Variants in CELF2 observed in about 807,000 individuals in gnomAD.
CELF2 encodes CUG triplet repeat RNA-binding protein 2.
CELF2 carries 8 observed loss-of-function variants against 62.6 expected under a neutral mutation model. That is an observed-to-expected ratio of 0.13 (90% confidence interval 0.07 to 0.23). The LOEUF (loss-of-function observed/expected upper bound fraction) is 0.23, where lower values mean the gene tolerates loss of function less well. CELF2 is among the 10% of genes least tolerant of loss of function. The pLI, the probability that CELF2 is intolerant of heterozygous loss-of-function variation, is 1.00. For missense variants in CELF2, 333 were observed against 671.0 expected (o/e 0.50, Z 5.56); for synonymous variants, 258 against 250.0 (o/e 1.03, Z -0.30).
chr10:10,780,318 T>C, the CELF2 span, among the ~76,000 whole-genome samples: 179 of 152,282 alleles, frequency 1.2e-3, 1 homozygote, highest in African/African-American at 3.5e-3. Flanking sequence ...TAATGATTCC[T>C]GGAGGCACTT....
rs1187199983 is a variant in CELF2, at chr10:11,117,906, T to C, written c.75-47580T>C. On this transcript the variant is annotated intron_variant, in intron 1 of 12. Coordinates refer to ENST00000633077, the MANE Select transcript of CELF2 (RefSeq NM_001326342.2). The surrounding 1 kb of genome is among the most constrained non-coding windows in gnomAD (Gnocchi z 4.1). ...TTTTTCTGCGCTATCCTTTTATACATTTTTTATAAGGCAGAATGCTTTGAA... is the reference window on the plus strand; with the variant it reads ...TTTTTCTGCGCTATCCTTTTATACACTTTTTATAAGGCAGAATGCTTTGAA... Among the ~76,000 whole-genome samples, 1 of 152,136 alleles carries C rather than the reference T, an allele frequency of 6.6e-6. No individual in the cohort carries two copies. The highest frequency in any genetic ancestry group is 1.5e-5 in the Non-Finnish European group (1 of 68,004).
chr10:10,915,659 T>C (rs968290421), intron 1 of CELF2, among the ~76,000 whole-genome samples: 5 of 152,212 alleles, frequency 3.3e-5, no homozygotes, highest in African/African-American at 1.2e-4. Context: ...GGTTTTGAAC[T>C]CCTGGGCTCA....
intron 1 of CELF2, among the ~76,000 whole-genome samples, chr10:11,020,583 C>T (rs1310128019): frequency 6.6e-6 from 1 of 152,192 alleles, no homozygotes; most frequent in Non-Finnish European, 1.5e-5. Flanking sequence ...GACTAAATTG[C>T]AGTCGGCTAG....
Position 10,931,325 on chromosome 10 carries a change from G to A in CELF2, c.89+11326G>A, listed in dbSNP as rs1180216853. On this transcript the variant is annotated intron_variant, in intron 2 of 13. Transcript: ENST00000636488. This position sits in a 1 kb window ranked among gnomAD's most constrained non-coding sequence, Gnocchi z 6.1. ...AGAAAATAAATTCCCCATTAGGCCT[G>A]ACTATTCATCCTTAAACCTCTGCTT... Among the ~76,000 whole-genome samples, 1 of 152,120 alleles carries A rather than the reference G, an allele frequency of 6.6e-6. No homozygotes were observed. Among genetic ancestry groups the A allele is most frequent in the Non-Finnish European group, 1.5e-5 (1 of 68,034 alleles).
chr10:10,887,639 A>C (rs2061846729), intron 1 of CELF2, among the ~76,000 whole-genome samples: 1 of 152,128 alleles, frequency 6.6e-6, no homozygotes, highest in Non-Finnish European at 1.5e-5. Flanking sequence ...ACTTGGAAAA[A>C]ATTTTTCTAG....
chr10:10,960,438 T>A (rs1274577226), intron 2 of CELF2: 2 of 152,228 alleles, frequency 1.3e-5, no homozygotes, highest in African/African-American at 4.8e-5. Flanking sequence ...GAACATTCTG[T>A]CAGATAGAAA....
At chr10:10,560,014 C>A in the CELF2 span, among the ~76,000 whole-genome samples, 1 of 152,180 alleles carries the variant, frequency 6.6e-6, no homozygotes, top group Non-Finnish European at 1.5e-5. Context: ...GGCTGGCTTA[C>A]CAACCAATTA....
At chr10:10,717,937 A>G in the CELF2 span, among the ~76,000 whole-genome samples, 1 of 152,174 alleles carries the variant, frequency 6.6e-6, no homozygotes. Context: ...TAATTAAAAT[A>G]ATGGCAGAAT....
chr10:10,962,686 T>C (rs2049657831), intron 2 of CELF2, among the ~76,000 whole-genome samples: 1 of 152,212 alleles, frequency 6.6e-6, no homozygotes. Context: ...GACTGGGCTG[T>C]TTCATTCCAG....
chr10:10,683,774 A>G, the CELF2 span, among the ~76,000 whole-genome samples: 1 of 152,188 alleles, frequency 6.6e-6, no homozygotes, highest in African/African-American at 2.4e-5. Context: ...TCATTGCTCA[A>G]GTGTGTTCAT....
the CELF2 span, among the ~76,000 whole-genome samples, chr10:10,473,429 T>C: frequency 0.2 from 30,340 of 151,958 alleles, 3,155 homozygotes; most frequent in East Asian, 0.29. Context: ...CGATGTGATA[T>C]ATTTGTTGTT....
the CELF2 span, among the ~76,000 whole-genome samples, chr10:10,635,342 C>T: frequency 1.3e-5 from 2 of 152,310 alleles, no homozygotes; most frequent in South Asian, 2.1e-4. Context: ...AGTTCTTGAA[C>T]ATATCAGATA....
the CELF2 span, among the ~76,000 whole-genome samples, chr10:10,651,862 G>C: frequency 6.6e-6 from 1 of 150,874 alleles, no homozygotes; most frequent in Admixed American, 6.6e-5. Context: ...ACGGAACAAA[G>C]CTGGATGGAG....
intron 2 of CELF2, among the ~76,000 whole-genome samples, chr10:11,203,520 C>A (rs1252446501): frequency 6.6e-6 from 1 of 152,154 alleles, no homozygotes; most frequent in Admixed American, 6.5e-5. Context: ...CAGTGTTTGG[C>A]AAGATGAGTC....
chr10:11,323,678 G>A (rs1411179720), intron 11 of CELF2, among the ~76,000 whole-genome samples: 1 of 152,018 alleles, frequency 6.6e-6, no homozygotes, highest in African/African-American at 2.4e-5. Context: ...CTGTGAGAGA[G>A]ATAAAACATG....
chr10:10,582,121 T>C, the CELF2 span, among the ~76,000 whole-genome samples: 1 of 152,212 alleles, frequency 6.6e-6, no homozygotes, highest in Non-Finnish European at 1.5e-5. Flanking sequence ...TTTGTCTGAC[T>C]GTATATAATC....
At chr10:10,488,341 C>T in the CELF2 span, among the ~76,000 whole-genome samples, 1 of 152,068 alleles carries the variant, frequency 6.6e-6, no homozygotes, top group Non-Finnish European at 1.5e-5. Flanking sequence ...GTTCTGTGAC[C>T]TCATCAGATT....
the CELF2 span, among the ~76,000 whole-genome samples, chr10:10,677,239 C>A: frequency 6.6e-6 from 1 of 152,188 alleles, no homozygotes; most frequent in Non-Finnish European, 1.5e-5. Context: ...CATTTATACA[C>A]TGACTGAGTG....
At chr10:11,281,784 G>T (rs2139247825) in intron 8 of CELF2, among the ~76,000 whole-genome samples, 1 of 152,304 alleles carries the variant, frequency 6.6e-6, no homozygotes, top group East Asian at 1.9e-4. Flanking sequence ...TTGATTGAGA[G>T]AGCAAAACGT....
Sources: allele counts gnomAD v4.1 joint callset (sites outside exome capture counted in the v4.1 genomes callset), GRCh38; gene constraint gnomAD v4.1.1; non-coding constraint Gnocchi (gnomAD v3.1); transcripts MANE v1.5; gene names NCBI Gene and HGNC (gene_info 2026-07-23, HGNC 2026-07-21).